The following PTK2B variants were observed in gnomAD, a reference collection of about 807,000 sequenced individuals.
The protein encoded by PTK2B is protein-tyrosine kinase 2-beta.
PTK2B carries 71 observed loss-of-function variants against 142.9 expected under a neutral mutation model. That is an observed-to-expected ratio of 0.50 (90% confidence interval 0.41 to 0.61). The LOEUF is 0.61. PTK2B is among the 20% of genes least tolerant of loss of function. The pLI, the probability that PTK2B is intolerant of heterozygous loss-of-function variation, is 0.00. For missense variants in PTK2B, 1,105 were observed against 1,320.4 expected (o/e 0.84, Z 2.53); for synonymous variants, 519 against 503.4 (o/e 1.03, Z -0.42).
At chr8:27,388,639 A>G (rs567178351) in intron 1 of PTK2B, among the ~76,000 whole-genome samples, 6 of 152,326 alleles carry the variant, frequency 3.9e-5, no homozygotes, top group African/African-American at 7.2e-5. Context: ...TCACAAGCCA[A>G]TGGTGTCCAT....
At chr8:27,447,029 G>A (rs1478364926) in intron 24 of PTK2B, among the ~76,000 whole-genome samples, 1 of 152,172 alleles carries the variant, frequency 6.6e-6, no homozygotes, top group Non-Finnish European at 1.5e-5. Context: ...CCACCCTCCT[G>A]CCTTTGACTC....
rs1234594101 is a variant in PTK2B at position 27,378,601 on chromosome 8, C to CCGTG, written c.-37-18947_-37-18946insCGTG. The stretch of plus-strand genomic sequence containing the variant: ...AAGAGTATAAAATCTTACAGCTTAT[C>CCGTG]TGTGTGTGTGTGTGTGTGTGTGTGT... On this transcript the variant is annotated intron_variant, in intron 1 of 30. Coordinates refer to ENST00000346049, the MANE Select transcript of PTK2B (RefSeq NM_173176.3). 5.5e-4 allele frequency among the ~76,000 whole-genome samples: 81 copies of CCGTG among 148,286 alleles called. 1 individual carries two copies. The highest frequency in any genetic ancestry group is 1.7e-3 in the African/African-American group (70 of 40,224).
chr8:27,333,334 T>A (rs996904123), intron 1 of PTK2B, among the ~76,000 whole-genome samples: 3 of 152,174 alleles, frequency 2.0e-5, no homozygotes, highest in African/African-American at 7.2e-5. Context: ...GCCATGGGGC[T>A]TTATTCTGAA....
At chr8:27,367,748 G>A (rs937400823) in intron 1 of PTK2B, among the ~76,000 whole-genome samples, 1 of 152,178 alleles carries the variant, frequency 6.6e-6, no homozygotes, top group Admixed American at 6.5e-5. Context: ...AGAGGAGCTG[G>A]CATCTCAAAT....
intron 1 of PTK2B, among the ~76,000 whole-genome samples, chr8:27,392,826 G>A (rs1023641359): frequency 6.6e-6 from 1 of 152,148 alleles, no homozygotes; most frequent in Admixed American, 6.5e-5. Flanking sequence ...TGTCAATAGA[G>A]ACATGGGCAC....
At chr8:27,426,407 C>T (rs538646019) in intron 5 of PTK2B, among the ~76,000 whole-genome samples, 1 of 152,318 alleles carries the variant, frequency 6.6e-6, no homozygotes, top group South Asian at 2.1e-4. Context: ...TCCAGGTAGG[C>T]ACAGCCTCAC....
chr8:27,408,549 G>A (rs1375923636), intron 2 of PTK2B, among the ~76,000 whole-genome samples: 1 of 152,194 alleles, frequency 6.6e-6, no homozygotes, highest in Non-Finnish European at 1.5e-5. Flanking sequence ...ACCTGTGTAT[G>A]CATATTAAGT....
chr8:27,415,735 T>C (rs1430619700), intron 2 of PTK2B, among the ~76,000 whole-genome samples: 2 of 152,226 alleles, frequency 1.3e-5, no homozygotes, highest in Non-Finnish European at 2.9e-5. Context: ...CAGAAAATCA[T>C]GGAGAGAGTA....
At chr8:27,397,824 T>C in intron 2 of PTK2B, 36 bp downstream of exon 2, 1 of 1,605,346 alleles carries the variant, frequency 6.2e-7, no homozygotes, top group Non-Finnish European at 8.5e-7. Flanking sequence ...CATCTGTCTG[T>C]CCCTCTGTCT....
intron 1 of PTK2B, among the ~76,000 whole-genome samples, chr8:27,387,636 G>A (rs1228451271): frequency 6.6e-6 from 1 of 152,160 alleles, no homozygotes; most frequent in African/African-American, 2.4e-5. Context: ...GATCGTGTGT[G>A]CAGAGCCCAG....
chr8:27,441,570 C>A (rs10091396), intron 21 of PTK2B, among the ~76,000 whole-genome samples: 67,562 of 152,014 alleles, frequency 0.44, 15,286 homozygotes, highest in South Asian at 0.54. Context: ...CAGCAATGCC[C>A]AGGCCAGGGG....
At chr8:27,392,651 G>A (rs1032157154) in intron 1 of PTK2B, among the ~76,000 whole-genome samples, 7 of 152,164 alleles carry the variant, frequency 4.6e-5, no homozygotes, top group African/African-American at 1.7e-4. Flanking sequence ...AAGGGAAGAT[G>A]GCATGGAATT....
rs188521177 is a variant in PTK2B at position 27,371,561 on chromosome 8, A to T, written c.-37-25987A>T. Reference sequence around the variant, plus strand: ...TTTTATTATTTATATATATATATATATTTTGAGACAGAGTCTCACTCTGTC... The same window carrying T: ...TTTTATTATTTATATATATATATATTTTTTGAGACAGAGTCTCACTCTGTC... On this transcript the variant is annotated intron_variant, in intron 1 of 30. Coordinates refer to ENST00000346049, the MANE Select transcript of PTK2B (RefSeq NM_173176.3). Among the ~76,000 whole-genome samples the T allele has an allele frequency of 6.6e-3, 985 of 150,278 alleles. 4 individuals are homozygous for T. The highest frequency in any genetic ancestry group is 0.01 in the Middle Eastern group (3 of 290).
intron 14 of PTK2B, 70 bp downstream of exon 14, chr8:27,435,863 G>C: frequency 6.6e-7 from 1 of 1,518,888 alleles, no homozygotes; most frequent in Non-Finnish European, 9.1e-7. Context: ...GGACTCTGGT[G>C]ACACCACAGG....
At chr8:27,410,858 C>T (rs901086856) in intron 2 of PTK2B, among the ~76,000 whole-genome samples, 10 of 152,152 alleles carry the variant, frequency 6.6e-5, no homozygotes, top group South Asian at 2.1e-4. Flanking sequence ...GAAGTCTTTA[C>T]GCTATTTGAT....
At chr8:27,445,489 A>C (rs140948099) in intron 23 of PTK2B, among the ~76,000 whole-genome samples, 99 of 152,318 alleles carry the variant, frequency 6.5e-4, no homozygotes, top group African/African-American at 2.3e-3. Context: ...AATGCAACTG[A>C]AACAACTATT....
chr8:27,453,665 A>G (rs1811961412), intron 28 of PTK2B, among the ~76,000 whole-genome samples: 1 of 152,220 alleles, frequency 6.6e-6, no homozygotes, highest in Non-Finnish European at 1.5e-5. Context: ...GGATCGCTTG[A>G]GCCCAGGAAT....
chr8:27,458,229 G>A (rs1812270616), intron 30 of PTK2B, 65 bp from the exon 31 acceptor site: 1 of 1,508,146 alleles, frequency 6.6e-7, no homozygotes, highest in South Asian at 1.2e-5. Flanking sequence ...CACCTCTGTG[G>A]CTTCCCTATC....
intron 1 of PTK2B, among the ~76,000 whole-genome samples, chr8:27,386,439 A>T (rs1212219708): frequency 6.6e-6 from 1 of 152,156 alleles, no homozygotes; most frequent in Non-Finnish European, 1.5e-5. Context: ...CATGAACATA[A>T]GTTTTTCTTT....
Sources: gnomAD v4.1 joint callset for allele counts (sites outside exome capture counted in the v4.1 genomes callset) on GRCh38, gnomAD v4.1.1 for gene constraint, MANE v1.5 for transcripts, NCBI Gene and HGNC (gene_info 2026-07-23, HGNC 2026-07-21) for gene names.